Variants in POLL observed in about 807,000 individuals in gnomAD.
POLL encodes DNA polymerase lambda.
POLL carries 44 observed loss-of-function variants against 58.1 expected under a neutral mutation model. That is an observed-to-expected ratio of 0.76 (90% CI 0.60 to 0.97). POLL has a LOEUF of 0.97. Among genes scored for constraint, POLL ranks in the 50% least tolerant of loss-of-function variants. The pLI is 0.00. For synonymous variants in POLL, 290 were observed against 283.2 expected, an observed-to-expected ratio of 1.02 and a Z score of -0.24; for missense variants, 632 against 736.8, an observed-to-expected ratio of 0.86 and a Z score of 1.65.
chr10:101,588,024 G>T lies in POLL; in HGVS notation c.-249C>A. 1 of 1,381,886 alleles carries T rather than the reference G, an allele frequency of 7.2e-7. No homozygotes were observed. Among genetic ancestry groups the T allele is most frequent in the African/African-American group, 1.4e-5 (1 of 69,174 alleles). 85.6% of individuals were successfully genotyped at this position (1,381,886 alleles called of 1,614,324 possible). A position where few individuals can be genotyped will look rare whatever the true frequency, so the allele number is the denominator to read the frequency against. ...TGCGGGTGAAGTCCCGGGCAGGTGC[G>T]GTGTACTCGCCGTGTACGCAGCTGG... On this transcript the variant is annotated 5_prime_UTR_variant, in exon 1 of 9. Coordinates refer to ENST00000370162, the MANE Select transcript of POLL (RefSeq NM_001174084.2).
Position 101,580,431 on chromosome 10 carries a change from G to T in POLL, c.1195-15C>A, listed in dbSNP as rs56356419. ...GCTTTCTGGACCTGGGAAAGAGAGCGGTGACAGGTGAGGGGCTGTGCGTGG... is the reference window on the plus strand; with the variant it reads ...GCTTTCTGGACCTGGGAAAGAGAGCTGTGACAGGTGAGGGGCTGTGCGTGG... On this transcript the variant is annotated splice_polypyrimidine_tract_variant and intron_variant, in intron 7 of 8. Coordinates refer to ENST00000370162, the MANE Select transcript of POLL (RefSeq NM_001174084.2). The surrounding 1 kb of genome is among the most constrained non-coding windows in gnomAD (Gnocchi z 4.1). 1 of 1,612,014 alleles carries T rather than the reference G, an allele frequency of 6.2e-7. No homozygotes were observed. The highest frequency in any genetic ancestry group is 1.3e-5 in the African/African-American group (1 of 74,898).
chr10:101,584,949 A>C, intron 4 of POLL, 30 bp from the exon 5 acceptor site: 2 of 1,282,968 alleles, frequency 1.6e-6, no homozygotes, highest in Admixed American at 3.4e-5. Context: ...GAAAACAATA[A>C]ATTCTTGTTC....
chr10:101,586,667 G>C (rs2063358349), intron 2 of POLL, among the ~76,000 whole-genome samples: 1 of 152,046 alleles, frequency 6.6e-6, no homozygotes, highest in South Asian at 2.1e-4. Context: ...CTAATTTTTT[G>C]TATTTTTAGT....
In POLL at chr10:101,585,866, T is replaced by A. The variant is rs746604600; in HGVS notation, c.406A>T (p.Ser136Cys). 6.4e-7 allele frequency: 1 copy of A among 1,568,628 alleles called. No individual in the cohort carries two copies. The highest frequency in any genetic ancestry group is 2.3e-5 in the East Asian group (1 of 44,090). Residue 136 changes from serine to cysteine, a missense_variant, in exon 3 of 9, where the codon AGT becomes TGT. By Grantham distance (112) the Ser-to-Cys change is moderately radical. Transcript: ENST00000370162. ...DVAGFSIFIP[S>C]RYLDHPQPSK... is the part of the protein sequence containing the mutation. ...AAAAGACTGGGATCAGCCCACCTAC[T>A]GGGGATGAAGATGCTGAATCCAGCT...
At chr10:101,587,079 A>G in intron 2 of POLL, 167 bp downstream of exon 2, 4 of 1,485,884 alleles carry the variant, frequency 2.7e-6, no homozygotes, top group Non-Finnish European at 3.7e-6. Context: ...TAGCCTGTCC[A>G]AGACCCAGGA....
In POLL at chr10:101,586,114, A is replaced by T. The variant is rs1411808697; in HGVS notation, c.158T>A (p.Ile53Asn). Reference protein sequence around the residue: ...SLRAHVVRTGIGRARAELFEK... With the variant: ...SLRAHVVRTGNGRARAELFEK... Reference sequence around the variant, plus strand: ...AAAGAGTTCTGCCCGGGCTCGTCCAATGCCAGTGCGCACAACATGGGCCCG... The same window carrying T: ...AAAGAGTTCTGCCCGGGCTCGTCCATTGCCAGTGCGCACAACATGGGCCCG... Residue 53 changes from isoleucine to asparagine, a missense_variant, in exon 3 of 9, where the codon ATT becomes AAT. Ile to Asn is a moderately radical substitution (Grantham distance 149). Transcript: ENST00000370162. The T allele has an allele frequency of 6.2e-7, 1 of 1,613,704 alleles. No homozygotes were observed. The highest frequency in any genetic ancestry group is 2.2e-5 in the East Asian group (1 of 44,888).
At position 101,579,378 on chromosome 10, in the gene POLL, G is replaced by C; in HGVS notation, c.*75C>G. ...GGAGCGGCGAGGTTCAGCCAGCTGA[G>C]GCTGGAGGGAGTACTGGGTGGCCAG... On this transcript the variant is annotated 3_prime_UTR_variant, in exon 9 of 9. Coordinates refer to ENST00000370162, the MANE Select transcript of POLL (RefSeq NM_001174084.2). This position sits in a 1 kb window ranked among gnomAD's most constrained non-coding sequence, Gnocchi z 4.4. 2.7e-6 allele frequency: 4 copies of C among 1,496,392 alleles called. No individual in the cohort carries two copies. The highest frequency in any genetic ancestry group is 3.6e-6 in the Non-Finnish European group (4 of 1,120,238). The allele number at this position is 1,496,392 out of a possible 1,614,324, so 92.7% of individuals were successfully genotyped here.
In POLL at chr10:101,579,762, G is replaced by A; in HGVS notation, c.1419C>T (p.Tyr473=). The change falls in exon 9 of 9, where the codon TAC becomes TAT. Residue 473 remains tyrosine, a synonymous_variant. Transcript: ENST00000370162. The surrounding 1 kb of genome is among the most constrained non-coding windows in gnomAD (Gnocchi z 4.4). ...SQEENGQQQK[Y]LGVCRLPGPG... is the part of the protein sequence containing the mutation. ...GCCCTGGGAGCCGGCACACCCCCAA[G>A]TACTTCTGTTGCTGACCATTCTCCT... 1 of 1,613,904 alleles carries A rather than the reference G, an allele frequency of 6.2e-7. No homozygotes were observed. The highest frequency in any genetic ancestry group is 1.7e-5 in the Admixed American group (1 of 60,032).
At chr10:101,584,427 C>A (rs887512149) in intron 5 of POLL, among the ~76,000 whole-genome samples, 175 bp downstream of exon 5, 3 of 152,176 alleles carry the variant, frequency 2.0e-5, no homozygotes. Flanking sequence ...TATCGTACAT[C>A]TCCCAGCTTC....
At position 101,580,884 on chromosome 10, in the gene POLL, G is replaced by A. The variant is rs1247563774; in HGVS notation, c.1195-468C>T. The A allele has an allele frequency of 6.5e-6, 1 of 154,010 alleles. No homozygotes were observed. Among genetic ancestry groups the A allele is most frequent in the Non-Finnish European group, 1.4e-5 (1 of 69,348 alleles). 9.5% of individuals were successfully genotyped at this position (154,010 alleles called of 1,614,324 possible). ...ATATGTGAGCTGGGGTTTGAGGACT[G>A]AGCAGGTGGCTGGCAGCATGCGCCA... is the stretch of plus-strand genomic sequence containing the variant. On this transcript the variant is annotated intron_variant, in intron 7 of 8. Coordinates refer to ENST00000370162, the MANE Select transcript of POLL (RefSeq NM_001174084.2). The surrounding 1 kb of genome is among the most constrained non-coding windows in gnomAD (Gnocchi z 4.1).
At chr10:101,582,102 T>C (rs1222127114) in intron 7 of POLL, 1 of 152,294 alleles carries the variant, frequency 6.6e-6, no homozygotes, top group Non-Finnish European at 1.5e-5. Flanking sequence ...TCAGATGATC[T>C]GTCCACCCTG....
chr10:101,584,964 A>G, intron 4 of POLL, 45 bp from the exon 5 acceptor site: 1 of 1,257,654 alleles, frequency 8.0e-7, no homozygotes, highest in East Asian at 2.9e-5. Flanking sequence ...TTGTTCTCCA[A>G]GAGAAGGGAT....
intron 2 of POLL, 142 bp from the exon 3 acceptor site, chr10:101,586,298 C>T: frequency 1.3e-6 from 1 of 755,116 alleles, no homozygotes; most frequent in East Asian, 2.7e-5. Flanking sequence ...TCCCTTCCAT[C>T]CAGACAGCTT....
In POLL at chr10:101,586,089, A is replaced by G; in HGVS notation, c.183T>C (p.Phe61=). Residue 61 remains phenylalanine, a synonymous_variant, in exon 3 of 9, where the codon TTT becomes TTC. Coordinates refer to ENST00000370162, the MANE Select transcript of POLL (RefSeq NM_001174084.2). ...TGIGRARAEL[F]EKQIVQHGGQ... ...CGCCATGCTGAACAATCTGCTTCTC[A>G]AAGAGTTCTGCCCGGGCTCGTCCAA... is the stretch of plus-strand genomic sequence containing the variant. 6.2e-7 allele frequency: 1 copy of G among 1,613,972 alleles called. No individual in the cohort carries two copies. Among genetic ancestry groups the G allele is most frequent in the Non-Finnish European group, 8.5e-7 (1 of 1,180,010 alleles).
chr10:101,583,453 G>A (rs2063115734), intron 6 of POLL, 55 bp downstream of exon 6: 3 of 1,584,364 alleles, frequency 1.9e-6, no homozygotes, highest in Non-Finnish European at 2.6e-6. Flanking sequence ...ACACATCTGG[G>A]GCAGGAACTC....
In POLL at chr10:101,588,226, C is replaced by G. The variant is rs756010355; in HGVS notation, c.-451G>C. 6.5e-7 allele frequency: 1 copy of G among 1,547,662 alleles called. No individual in the cohort carries two copies. Among genetic ancestry groups the G allele is most frequent in the Non-Finnish European group, 8.7e-7 (1 of 1,146,288 alleles). On this transcript the variant is annotated 5_prime_UTR_variant, in exon 1 of 9. Coordinates refer to ENST00000370162, the MANE Select transcript of POLL (RefSeq NM_001174084.2). The stretch of plus-strand genomic sequence containing the variant: ...TACCAGCAGAGCCAATGAGAGCGGA[C>G]GAAGGGGGGAAGGAGGGCAAATGGC...
In POLL at chr10:101,580,234, G is replaced by A; in HGVS notation, c.1363+14C>T. On this transcript the variant is annotated intron_variant, in intron 8 of 8. Transcript: ENST00000370162. The surrounding 1 kb of genome is among the most constrained non-coding windows in gnomAD (Gnocchi z 4.1). ...CCCTCTGTCAACCTGCTCACCCAGA[G>A]ATGGAGCTTATACCTTCCTGCCGAA... 1 of 1,607,846 alleles carries A rather than the reference G, an allele frequency of 6.2e-7. No individual in the cohort carries two copies. Among genetic ancestry groups the A allele is most frequent in the Non-Finnish European group, 8.5e-7 (1 of 1,176,308 alleles).
chr10:101,585,029 C>G, intron 4 of POLL, 110 bp from the exon 5 acceptor site: 7 of 780,746 alleles, frequency 9.0e-6, no homozygotes, highest in Non-Finnish European at 1.1e-5. Flanking sequence ...CTAGTCAGAC[C>G]TAAGAATGAG....
At position 101,580,192 on chromosome 10, in the gene POLL, C is replaced by T; in HGVS notation, c.1363+56G>A. 4.0e-6 allele frequency: 6 copies of T among 1,488,974 alleles called. No individual in the cohort carries two copies. The highest frequency in any genetic ancestry group is 5.5e-6 in the Non-Finnish European group (6 of 1,096,606). The allele number at this position is 1,488,974 out of a possible 1,614,324, so 92.2% of individuals were successfully genotyped here. A position where few individuals can be genotyped will look rare whatever the true frequency, so the allele number is the denominator to read the frequency against. On this transcript the variant is annotated intron_variant, in intron 8 of 8. Transcript: ENST00000370162. The surrounding 1 kb of genome is among the most constrained non-coding windows in gnomAD (Gnocchi z 4.1). ...TTCTGAGGTTCTCCCTCTGAGGGGG[C>T]CCCCAGACCTGTGCTGCCCTCTGTC...
Sources: allele counts gnomAD v4.1 joint callset (sites outside exome capture counted in the v4.1 genomes callset), GRCh38; gene constraint gnomAD v4.1.1; non-coding constraint Gnocchi (gnomAD v3.1); transcripts MANE v1.5; gene names NCBI Gene and HGNC (gene_info 2026-07-23, HGNC 2026-07-21).